Variants in ATXN1 observed in about 807,000 individuals in gnomAD.
The protein encoded by ATXN1 is ataxin 1.
ATXN1 carries 8 observed loss-of-function variants against 56.4 expected under a neutral mutation model. The ratio of observed to expected loss-of-function variants is 0.14; its 90% CI spans 0.08 to 0.26. ATXN1 has a LOEUF of 0.26. Among genes scored for constraint, ATXN1 ranks in the 10% least tolerant of loss-of-function variants. The pLI, the probability that ATXN1 is intolerant of heterozygous loss-of-function variation, is 1.00. For missense variants in ATXN1, 987 were observed against 1,106.5 expected (o/e 0.89, Z 1.53); for synonymous variants, 514 against 494.6 (o/e 1.04, Z -0.52).
rs2113472522 is a variant in ATXN1 at position 16,359,447 on chromosome 6, C to T, written c.-160-30977G>A. On this transcript the variant is annotated intron_variant, in intron 6 of 7. Coordinates refer to ENST00000436367, the MANE Select transcript of ATXN1 (RefSeq NM_001128164.2). ...GAGAATGGGACTGGATGACCAGTTG[C>T]AGAGAGGAGTACCCTCTCTGCTGAT... is the stretch of plus-strand genomic sequence containing the variant. Among the ~76,000 whole-genome samples the T allele has an allele frequency of 1.3e-5, 2 of 152,212 alleles. 1 individual carries two copies. Among genetic ancestry groups the T allele is most frequent in the South Asian group, 4.1e-4 (2 of 4,826 alleles).
At chr6:16,408,094 G>A (rs60396177) in intron 6 of ATXN1, among the ~76,000 whole-genome samples, 3,540 of 152,112 alleles carry the variant, frequency 0.023, 123 homozygotes, top group African/African-American at 0.079. Context: ...CTTGGGGAGG[G>A]GTGCAGGAAG....
rs916691358 is a variant in ATXN1, at chr6:16,304,159, G to C, written c.*2170C>G. The C allele has an allele frequency of 6.6e-6, 1 of 152,418 alleles. No individual in the cohort carries two copies. The allele number at this position is 152,418 out of a possible 1,614,324, so 9.4% of individuals were successfully genotyped here. On this transcript the variant is annotated 3_prime_UTR_variant, in exon 8 of 8. Transcript: ENST00000436367. ...TGAATACTAGACAGCCAAAATGTGG[G>C]TTGATACCAGATTTTTTTTTTAATT...
chr6:16,351,264 G>A (rs1402121313), intron 6 of ATXN1, among the ~76,000 whole-genome samples: 1 of 152,146 alleles, frequency 6.6e-6, no homozygotes, highest in East Asian at 1.9e-4. Flanking sequence ...AATGGGCAGA[G>A]GATTCCAGCA....
chr6:16,389,881 G>A (rs1356208976), intron 6 of ATXN1, among the ~76,000 whole-genome samples: 1 of 148,380 alleles, frequency 6.7e-6, no homozygotes, highest in Non-Finnish European at 1.5e-5. Context: ...GACATGACTA[G>A]CCCAGGATCA....
intron 6 of ATXN1, among the ~76,000 whole-genome samples, chr6:16,442,553 G>A (rs970061989): frequency 6.6e-6 from 1 of 151,930 alleles, no homozygotes; most frequent in Non-Finnish European, 1.5e-5. Context: ...ATGTTAAGTG[G>A]GAGTAAAAGG....
intron 4 of ATXN1, among the ~76,000 whole-genome samples, chr6:16,568,292 AAG>A (rs1476289809): frequency 2.6e-5 from 4 of 152,016 alleles, no homozygotes; most frequent in Admixed American, 1.3e-4. Context: ...ATTAAATTTT[AAG>A]AGAGAGGCTA....
intron 2 of ATXN1, among the ~76,000 whole-genome samples, chr6:16,742,039 T>C (rs563944895): frequency 3.3e-5 from 5 of 152,282 alleles, no homozygotes; most frequent in South Asian, 4.1e-4. Flanking sequence ...GCCATCACCA[T>C]ATTTCCTTCA....
intron 6 of ATXN1, among the ~76,000 whole-genome samples, chr6:16,346,323 G>A (rs1554139624): frequency 6.6e-6 from 1 of 152,158 alleles, no homozygotes; most frequent in Non-Finnish European, 1.5e-5. Flanking sequence ...CAAAGTGGGA[G>A]TGAGCCACCG....
chr6:16,628,926 T>C (rs965660747), intron 3 of ATXN1, among the ~76,000 whole-genome samples: 1 of 152,224 alleles, frequency 6.6e-6, no homozygotes, highest in African/African-American at 2.4e-5. Flanking sequence ...GCAATGAACA[T>C]TTGCGTGCAT....
chr6:16,583,824 T>C (rs561713039), intron 4 of ATXN1, among the ~76,000 whole-genome samples: 5 of 152,270 alleles, frequency 3.3e-5, no homozygotes, highest in East Asian at 1.9e-4. Context: ...TTCAGAAGTA[T>C]GCTAAACCCT....
At chr6:16,674,959 A>C (rs1758629189) in intron 2 of ATXN1, among the ~76,000 whole-genome samples, 1 of 152,214 alleles carries the variant, frequency 6.6e-6, no homozygotes, top group Non-Finnish European at 1.5e-5. Context: ...TCAGACTTTC[A>C]ATTTCAAAAT....
At chr6:16,369,398 C>T (rs1761992841) in intron 6 of ATXN1, among the ~76,000 whole-genome samples, 1 of 152,228 alleles carries the variant, frequency 6.6e-6, no homozygotes, top group Non-Finnish European at 1.5e-5. Context: ...GAGGTTCTTC[C>T]TTTGGGCCTT....
At chr6:16,623,620 C>A (rs1356531963) in intron 3 of ATXN1, among the ~76,000 whole-genome samples, 1 of 152,174 alleles carries the variant, frequency 6.6e-6, no homozygotes, top group East Asian at 1.9e-4. Flanking sequence ...AACATGCTTA[C>A]AAAAATATTC....
intron 7 of ATXN1, among the ~76,000 whole-genome samples, chr6:16,324,988 T>C (rs1760769028): frequency 6.6e-6 from 1 of 152,164 alleles, no homozygotes; most frequent in African/African-American, 2.4e-5. Context: ...GCCTGACTTT[T>C]ATATGCAAAC....
intron 6 of ATXN1, among the ~76,000 whole-genome samples, chr6:16,428,235 C>T (rs1759200271): frequency 6.6e-6 from 1 of 151,672 alleles, no homozygotes; most frequent in South Asian, 2.1e-4. Context: ...TCTCCTGCCT[C>T]AGCCTCTGGA....
At chr6:16,411,971 G>A (rs1057208695) in intron 6 of ATXN1, among the ~76,000 whole-genome samples, 4 of 152,026 alleles carry the variant, frequency 2.6e-5, no homozygotes, top group Admixed American at 6.5e-5. Flanking sequence ...TCTCTCTCTC[G>A]CACTATCTTG....
intron 6 of ATXN1, among the ~76,000 whole-genome samples, chr6:16,340,554 G>C (rs934671606): frequency 6.6e-6 from 1 of 152,170 alleles, no homozygotes; most frequent in Non-Finnish European, 1.5e-5. Flanking sequence ...AGTATGAGTA[G>C]AACAGCTTTC....
intron 4 of ATXN1, among the ~76,000 whole-genome samples, chr6:16,571,845 T>A (rs570707990): frequency 3.9e-5 from 6 of 152,210 alleles, no homozygotes; most frequent in Non-Finnish European, 5.9e-5. Context: ...ATTTTTTTTG[T>A]AGAGATAGGG....
chr6:16,416,068 C>A (rs1581747195), intron 6 of ATXN1, among the ~76,000 whole-genome samples: 1 of 134,222 alleles, frequency 7.5e-6, no homozygotes. Context: ...TTAATTTATT[C>A]ACAAGAAGAA....
Sources: allele counts gnomAD v4.1 joint callset (sites outside exome capture counted in the v4.1 genomes callset), GRCh38; gene constraint gnomAD v4.1.1; transcripts MANE v1.5; gene names NCBI Gene and HGNC (gene_info 2026-07-23, HGNC 2026-07-21).